The following SYNPR variants were observed in gnomAD, a reference collection of about 807,000 sequenced individuals.
SYNPR encodes synaptoporin.
SYNPR carries 23 observed loss-of-function variants against 32.9 expected under a neutral mutation model. That is an observed-to-expected ratio of 0.70 (90% CI 0.50 to 0.99). SYNPR has a LOEUF of 0.99. Ranked by LOEUF, SYNPR falls within the 50% of genes least tolerant of loss-of-function variation. SYNPR has a pLI of 0.00. For synonymous variants in SYNPR, 146 were observed against 135.9 expected, an observed-to-expected ratio of 1.07 and a Z score of -0.52; for missense variants, 318 against 349.3, an observed-to-expected ratio of 0.91 and a Z score of 0.71.
At chr3:63,503,414 T>G (rs993912684) in intron 3 of SYNPR, among the ~76,000 whole-genome samples, 3 of 152,122 alleles carry the variant, frequency 2.0e-5, no homozygotes, top group Non-Finnish European at 4.4e-5. Flanking sequence ...TTCATTCTCT[T>G]TATAATCTAG....
intron 2 of SYNPR, among the ~76,000 whole-genome samples, chr3:63,357,992 CAG>C (rs2087605263): frequency 6.6e-6 from 1 of 152,102 alleles, no homozygotes. Context: ...TGCAAATAAA[CAG>C]AATTGAGGGT....
At chr3:63,321,662 A>G (rs2087112136) in intron 2 of SYNPR, among the ~76,000 whole-genome samples, 1 of 152,124 alleles carries the variant, frequency 6.6e-6, no homozygotes, top group African/African-American at 2.4e-5. Flanking sequence ...ATTATTCAAT[A>G]TCACATAGAG....
intron 1 of SYNPR, among the ~76,000 whole-genome samples, chr3:63,236,165 T>C (rs1456820594): frequency 6.6e-6 from 1 of 152,030 alleles, no homozygotes; most frequent in Non-Finnish European, 1.5e-5. Context: ...TTTTTGCCTC[T>C]GTCAAAAATT....
In SYNPR at chr3:63,595,751, A is replaced by AATTT. The variant is rs1404878483; in HGVS notation, c.409-13374_409-13373insATTT. ...TATATATATATATATATATATATAT[A>AATTT]TATATATATATATATATAATTTTAT... On this transcript the variant is annotated intron_variant, in intron 4 of 5. Transcript: ENST00000478300. 2.1e-4 allele frequency among the ~76,000 whole-genome samples: 9 copies of AATTT among 43,386 alleles called. 1 individual carries two copies. The highest frequency in any genetic ancestry group is 1.2e-3 in the African/African-American group (9 of 7,596). 28.5% of individuals were successfully genotyped at this position (43,386 alleles called of 152,430 possible).
At chr3:63,448,493 T>C (rs1700320376) in intron 2 of SYNPR, among the ~76,000 whole-genome samples, 1 of 152,232 alleles carries the variant, frequency 6.6e-6, no homozygotes, top group Non-Finnish European at 1.5e-5. Context: ...CTTCTCAATG[T>C]TGAACCCACA....
chr3:63,203,669 C>T, the SYNPR span, among the ~76,000 whole-genome samples: 1 of 152,312 alleles, frequency 6.6e-6, no homozygotes, highest in African/African-American at 2.4e-5. Flanking sequence ...GATCCTCTCA[C>T]ATGCTACCTA....
chr3:63,421,007 A>G (rs1450863243), intron 2 of SYNPR, among the ~76,000 whole-genome samples: 2 of 152,080 alleles, frequency 1.3e-5, no homozygotes, highest in Admixed American at 1.3e-4. Context: ...CAGCCTTCCA[A>G]CTAGCTGTAA....
intron 2 of SYNPR, among the ~76,000 whole-genome samples, chr3:63,299,493 G>A (rs1206406221): frequency 1.3e-5 from 2 of 151,898 alleles, no homozygotes; most frequent in African/African-American, 2.4e-5. Context: ...CTCACAGTTC[G>A]AGGGCCCAGT....
At chr3:63,220,724 G>T in the SYNPR span, among the ~76,000 whole-genome samples, 1 of 152,096 alleles carries the variant, frequency 6.6e-6, no homozygotes, top group African/African-American at 2.4e-5. Context: ...ATTCCTCTCA[G>T]AGACACCAGC....
intron 2 of SYNPR, among the ~76,000 whole-genome samples, chr3:63,340,609 C>A (rs1223584080): frequency 6.6e-6 from 1 of 151,408 alleles, no homozygotes; most frequent in Non-Finnish European, 1.5e-5. Flanking sequence ...TTAGTAGAGA[C>A]GGGGTTTCAC....
chr3:63,519,455 A>C (rs1295569620), intron 3 of SYNPR, among the ~76,000 whole-genome samples: 1 of 152,180 alleles, frequency 6.6e-6, no homozygotes, highest in African/African-American at 2.4e-5. Context: ...TTGTTCCCTG[A>C]GTTCCCTTCT....
chr3:63,527,010 C>T (rs1454295805), intron 3 of SYNPR, among the ~76,000 whole-genome samples: 1 of 152,100 alleles, frequency 6.6e-6, no homozygotes, highest in East Asian at 1.9e-4. Context: ...CAGAGAAGAG[C>T]AGTGTTTGTT....
At chr3:63,509,641 T>C (rs1168213928) in intron 3 of SYNPR, among the ~76,000 whole-genome samples, 3 of 151,878 alleles carry the variant, frequency 2.0e-5, no homozygotes, top group Non-Finnish European at 2.9e-5. Flanking sequence ...TAAAGAAAAA[T>C]TGTCAGTTCA....
chr3:63,409,474 G>T (rs992105618), intron 2 of SYNPR, among the ~76,000 whole-genome samples: 1 of 152,036 alleles, frequency 6.6e-6, no homozygotes, highest in East Asian at 1.9e-4. Flanking sequence ...GTTTCAGCAG[G>T]TTAATTCCTA....
chr3:63,264,812 A>C (rs989498553), intron 2 of SYNPR, among the ~76,000 whole-genome samples: 1 of 152,112 alleles, frequency 6.6e-6, no homozygotes, highest in African/African-American at 2.4e-5. Flanking sequence ...CACAGGGTGG[A>C]AGGACGGAGT....
chr3:63,548,728 G>C (rs1034008328), intron 3 of SYNPR, among the ~76,000 whole-genome samples: 1 of 152,056 alleles, frequency 6.6e-6, no homozygotes, highest in African/African-American at 2.4e-5. Flanking sequence ...TTTGCCAATT[G>C]CCCTCTGATC....
At chr3:63,269,466 A>G (rs969360493) in intron 3 of SYNPR, among the ~76,000 whole-genome samples, 3 of 152,042 alleles carry the variant, frequency 2.0e-5, no homozygotes, top group Admixed American at 6.6e-5. Flanking sequence ...CAACAGAGTG[A>G]GACTCCATCT....
rs188174706 is a variant in SYNPR, at chr3:63,393,405, G to T, written c.85-87427G>T. 8.6e-4 allele frequency among the ~76,000 whole-genome samples: 130 copies of T among 151,600 alleles called. 1 individual carries two copies. Among genetic ancestry groups the T allele is most frequent in the African/African-American group, 3.1e-3 (129 of 41,382 alleles). ...GTATGTATTCTTTTCATTAGTGTTGGACTGTTGGAGAATGACTATTTCATT... is the reference window on the plus strand; with the variant it reads ...GTATGTATTCTTTTCATTAGTGTTGTACTGTTGGAGAATGACTATTTCATT... On this transcript the variant is annotated intron_variant, in intron 2 of 5. Transcript: ENST00000478300.
At chr3:63,336,519 C>CAAAAAAAAAAAAA (rs3082131) in intron 2 of SYNPR, among the ~76,000 whole-genome samples, 6 of 48,838 alleles carry the variant, frequency 1.2e-4, no homozygotes, top group Non-Finnish European at 1.9e-4. Flanking sequence ...CATTCCCATG[C>CAAAAAAAAAAAAA]AAAAAAAAAA....
Sources: allele counts gnomAD v4.1 joint callset (sites outside exome capture counted in the v4.1 genomes callset), GRCh38; gene constraint gnomAD v4.1.1; transcripts MANE v1.5; gene names NCBI Gene and HGNC (gene_info 2026-07-23, HGNC 2026-07-21).